Variants in TANC1 observed in about 807,000 individuals in gnomAD.
The protein encoded by TANC1 is protein TANC1.
TANC1 carries 77 observed loss-of-function variants against 149.7 expected under a neutral mutation model. The observed-to-expected ratio is 0.51, with a 90% CI of 0.43 to 0.62. The LOEUF (loss-of-function observed/expected upper bound fraction) is 0.62. Ranked by LOEUF, TANC1 falls within the 20% of genes least tolerant of loss-of-function variation. The pLI, the probability that TANC1 is intolerant of heterozygous loss-of-function variation, is 0.00. For synonymous variants in TANC1, 854 were observed against 925.0 expected (o/e 0.92, Z 1.39); for missense variants, 1,985 against 2,321.8 (o/e 0.85, Z 2.98).
intron 1 of TANC1, among the ~76,000 whole-genome samples, chr2:158,977,032 A>G (rs1177830346): frequency 1.3e-5 from 2 of 152,216 alleles, no homozygotes; most frequent in Non-Finnish European, 2.9e-5. Flanking sequence ...CATACCATTC[A>G]TAACTAGTTT....
rs774319014 is a variant in TANC1 at position 159,219,846 on chromosome 2, C to T, written c.3657C>T (p.Ala1219=). 4 of 1,613,236 alleles carry T rather than the reference C, an allele frequency of 2.5e-6. No homozygotes were observed. In the African/African-American group the frequency reaches 5.3e-5, roughly 22 times the overall value. ...GCCGCACACCCTTGGACCTGGCTGC[C>T]TTCTATGGCGATGCCGAGACTGTGA... ...KNGRTPLDLA[A]FYGDAETVLY... is the part of the protein sequence containing the mutation. Residue 1219 remains alanine, a synonymous_variant, in exon 22 of 27, where the codon GCC becomes GCT. Transcript: ENST00000263635.
At chr2:159,128,059 CT>C (rs977621461) in intron 4 of TANC1, among the ~76,000 whole-genome samples, 1 of 152,168 alleles carries the variant, frequency 6.6e-6, no homozygotes, top group African/African-American at 2.4e-5. Context: ...TGTTAGGTGA[CT>C]TTTGTGTTTT....
chr2:159,199,010 T>G lies in TANC1; in HGVS notation c.3201T>G (p.His1067Gln), dbSNP rs375216027. ...VQCLLGMEKEHEVEVNGTDTL... is the reference protein window; with the variant it reads ...VQCLLGMEKEQEVEVNGTDTL... ...GCTTGCTGGGGATGGAGAAGGAACA[T>G]GAAGTAGAAGTCAATGGCACCGACA... Residue 1067 changes from histidine to glutamine, a missense_variant, in exon 19 of 27, where the codon CAT becomes CAG. By Grantham distance (24) the His-to-Gln change is conservative. Around this residue, in one of 3 missense-constraint regions of TANC1, gnomAD observed 920 missense variants for 994.7 expected, o/e 0.92. Transcript: ENST00000263635. 16 of 1,614,086 alleles carry G rather than the reference T, an allele frequency of 9.9e-6. No individual in the cohort carries two copies. The South Asian group carries it at 1.8e-4, about 18-fold the overall frequency.
intron 1 of TANC1, among the ~76,000 whole-genome samples, chr2:158,985,745 G>A (rs983128831): frequency 6.6e-6 from 1 of 152,142 alleles, no homozygotes; most frequent in Non-Finnish European, 1.5e-5. Flanking sequence ...CCGGGTTCAA[G>A]CAATTCTCCT....
At chr2:158,975,656 G>A (rs933002887) in intron 1 of TANC1, among the ~76,000 whole-genome samples, 3 of 150,802 alleles carry the variant, frequency 2.0e-5, no homozygotes, top group Non-Finnish European at 2.9e-5. Flanking sequence ...GGCTCGTCTC[G>A]AACTCCTGGC....
At chr2:158,990,065 G>A (rs1423918347) in intron 1 of TANC1, among the ~76,000 whole-genome samples, 1 of 152,028 alleles carries the variant, frequency 6.6e-6, no homozygotes, top group East Asian at 1.9e-4. Context: ...ACAGGCCCCT[G>A]CCACCACGCC....
chr2:159,115,096 G>T (rs1190201152), intron 4 of TANC1, among the ~76,000 whole-genome samples: 1 of 152,152 alleles, frequency 6.6e-6, no homozygotes, highest in Non-Finnish European at 1.5e-5. Flanking sequence ...TGACAACAGT[G>T]AAGACATTGA....
At chr2:159,217,389 G>A in intron 19 of TANC1, 108 bp from the exon 20 acceptor site, 1 of 1,418,532 alleles carries the variant, frequency 7.0e-7, no homozygotes, top group Non-Finnish European at 9.7e-7. Flanking sequence ...AAAGGGGGAG[G>A]ACATATAGAC....
chr2:159,081,070 C>T (rs1474306408), intron 3 of TANC1, among the ~76,000 whole-genome samples: 4 of 152,136 alleles, frequency 2.6e-5, no homozygotes, highest in Admixed American at 6.5e-5. Context: ...GGCCAGCTGT[C>T]GAGCCAGCAG....
chr2:159,012,403 C>T (rs888847138), intron 2 of TANC1, among the ~76,000 whole-genome samples: 9 of 151,920 alleles, frequency 5.9e-5, no homozygotes, highest in African/African-American at 1.7e-4. Context: ...AATTCAAACA[C>T]GTGCCTCTGG....
Position 159,001,256 on chromosome 2 carries a change from A to T in TANC1, c.-16+67A>T, listed in dbSNP as rs2036594081. The stretch of plus-strand genomic sequence containing the variant: ...GTGAGTAGTGACTCAAAGAGGGATG[A>T]ATCTTTACATGAGGTTAGAAGAGAG... On this transcript the variant is annotated intron_variant, in intron 2 of 26. Transcript: ENST00000263635. This position sits in a 1 kb window ranked among gnomAD's most constrained non-coding sequence, Gnocchi z 4.3. 6.6e-6 allele frequency: 1 copy of T among 152,256 alleles called. No homozygotes were observed. The highest frequency in any genetic ancestry group is 2.1e-4 in the South Asian group (1 of 4,820). The allele number at this position is 152,256 out of a possible 1,614,324, so 9.4% of individuals were successfully genotyped here. A position where few individuals can be genotyped will look rare whatever the true frequency, so the allele number is the denominator to read the frequency against.
At chr2:159,213,923 C>T (rs1028508812) in intron 19 of TANC1, among the ~76,000 whole-genome samples, 2 of 151,710 alleles carry the variant, frequency 1.3e-5, no homozygotes, top group Non-Finnish European at 2.9e-5. Context: ...GTCAGGAGTT[C>T]GAGACCAGCC....
chr2:159,049,245 G>A (rs992642697), intron 2 of TANC1, among the ~76,000 whole-genome samples: 2 of 152,170 alleles, frequency 1.3e-5, no homozygotes, highest in African/African-American at 2.4e-5. Flanking sequence ...TTTAGGGGCA[G>A]TGCTGTGTAT....
Position 159,175,094 on chromosome 2 carries a change from C to T in TANC1, c.1645C>T (p.Gln549Ter). The change falls in exon 12 of 27, where the codon CAG (glutamine) becomes TAG (stop). Residue 549 changes from glutamine (Q) to a stop codon, truncating the protein, a stop_gained. Coordinates refer to ENST00000263635, the MANE Select transcript of TANC1 (RefSeq NM_033394.3). LOFTEE classifies it high-confidence loss of function. ...CCTTCTGATAAAGGAGCCCCAACTACAGAGCATGCTGAGCCTCCGATCCTG... is the reference window on the plus strand; with the variant it reads ...CCTTCTGATAAAGGAGCCCCAACTATAGAGCATGCTGAGCCTCCGATCCTG... ...RDLLIKEPQL[Q>*]SMLSLRSCVQ... 6.2e-7 allele frequency: 1 copy of T among 1,614,216 alleles called. No homozygotes were observed. Among genetic ancestry groups the T allele is most frequent in the Non-Finnish European group, 8.5e-7 (1 of 1,180,034 alleles).
At chr2:158,991,488 T>C (rs2149277109) in intron 1 of TANC1, among the ~76,000 whole-genome samples, 1 of 152,240 alleles carries the variant, frequency 6.6e-6, no homozygotes, top group South Asian at 2.1e-4. Flanking sequence ...GGAGGGTGGC[T>C]CACGTCTGTA....
At chr2:159,200,924 A>T (rs2058200890) in intron 19 of TANC1, among the ~76,000 whole-genome samples, 1 of 152,216 alleles carries the variant, frequency 6.6e-6, no homozygotes, top group Admixed American at 6.5e-5. Context: ...AGTAACCTTC[A>T]GACCACTTTG....
chr2:159,218,998 G>C (rs951609961), intron 20 of TANC1, among the ~76,000 whole-genome samples: 13 of 152,174 alleles, frequency 8.5e-5, no homozygotes, highest in African/African-American at 3.1e-4. Context: ...TCTCTGGTAT[G>C]TGTATATTTA....
At chr2:159,033,869 CTG>C (rs919790118) in intron 2 of TANC1, among the ~76,000 whole-genome samples, 1 of 152,206 alleles carries the variant, frequency 6.6e-6, no homozygotes, top group Non-Finnish European at 1.5e-5. Context: ...TCTTCAGGCA[CTG>C]TGGCTCTTAG....
intron 18 of TANC1, 128 bp from the exon 19 acceptor site, chr2:159,198,847 T>A: frequency 1.7e-6 from 1 of 593,090 alleles, no homozygotes. Flanking sequence ...GTTTTCATTA[T>A]ATTTTTCTCT....
Sources: gnomAD v4.1 joint callset for allele counts (sites outside exome capture counted in the v4.1 genomes callset) on GRCh38, gnomAD v4.1.1 for gene constraint, gnomAD v4.1.1 regional missense constraint, Gnocchi (gnomAD v3.1) non-coding constraint, MANE v1.5 for transcripts, NCBI Gene and HGNC (gene_info 2026-07-23, HGNC 2026-07-21) for gene names.